Variants in STK3 observed in about 807,000 individuals in gnomAD.
STK3 encodes the protein serine/threonine kinase 3, also known as serine/threonine-protein kinase 3.
In STK3, 41 loss-of-function variants were observed where a neutral mutation model predicts 58.0. The ratio of observed to expected loss-of-function variants is 0.71; its 90% confidence interval spans 0.55 to 0.92. The LOEUF (loss-of-function observed/expected upper bound fraction) is 0.92. STK3 is among the 40% of genes least tolerant of loss of function. STK3 has a pLI of 0.00. For synonymous variants in STK3, 170 were observed against 191.0 expected (o/e 0.89, Z 0.91); for missense variants, 479 against 602.7 (o/e 0.79, Z 2.15).
chr8:98,818,453 G>C (rs1016788562), intron 1 of STK3, among the ~76,000 whole-genome samples: 1 of 152,170 alleles, frequency 6.6e-6, no homozygotes, highest in African/African-American at 2.4e-5. Flanking sequence ...AGAAAGAACA[G>C]AGCAACACAA....
chr8:98,554,784 A>C (rs1182806163), intron 8 of STK3, among the ~76,000 whole-genome samples: 1 of 152,154 alleles, frequency 6.6e-6, no homozygotes, highest in Non-Finnish European at 1.5e-5. Context: ...CTTTTAAGCC[A>C]CAGCTTTTAC....
At chr8:98,843,356 A>C (rs1408340110) in intron 3 of STK3, among the ~76,000 whole-genome samples, 3 of 152,232 alleles carry the variant, frequency 2.0e-5, no homozygotes, top group Admixed American at 2.0e-4. Context: ...TTCCAAATTT[A>C]GGATTTGCTT....
At chr8:98,886,160 T>C (rs1175024609) in intron 1 of STK3, among the ~76,000 whole-genome samples, 2 of 152,098 alleles carry the variant, frequency 1.3e-5, no homozygotes, top group African/African-American at 4.8e-5. Context: ...CTACACTAGA[T>C]AAAATTGCAC....
intron 3 of STK3, among the ~76,000 whole-genome samples, chr8:98,763,434 A>T (rs1270080873): frequency 1.3e-5 from 2 of 152,240 alleles, no homozygotes; most frequent in Non-Finnish European, 2.9e-5. Flanking sequence ...TATAGAAAAC[A>T]AGACAATTTA....
At chr8:98,413,572 TTG>T in intron 3 of STK3, 1 of 665,252 alleles carries the variant, frequency 1.5e-6, no homozygotes, top group Admixed American at 1.9e-5. Context: ...GATGACAACT[TTG>T]TGTCTAAAAT....
chr8:98,557,582 G>A (rs903313904), intron 8 of STK3, among the ~76,000 whole-genome samples: 6 of 151,940 alleles, frequency 3.9e-5, no homozygotes, highest in South Asian at 2.1e-4. Context: ...TCAAATAGCC[G>A]CCCTTAAGTG....
chr8:98,457,259 T>C (rs1383678382), intron 10 of STK3, among the ~76,000 whole-genome samples: 1 of 152,254 alleles, frequency 6.6e-6, no homozygotes, highest in African/African-American at 2.4e-5. Flanking sequence ...AGTAGTGATC[T>C]TGCATCTGTT....
downstream of STK3, among the ~76,000 whole-genome samples, chr8:98,453,157 G>C (rs190119596): frequency 2.4e-5 from 2 of 85,074 alleles, 1 homozygote; most frequent in Non-Finnish European, 4.4e-5. Flanking sequence ...GTGTGATCTT[G>C]GCCCACTGCA....
chr8:98,458,685 A>G (rs1244997994), intron 10 of STK3, among the ~76,000 whole-genome samples: 3 of 152,138 alleles, frequency 2.0e-5, no homozygotes, highest in African/African-American at 7.2e-5. Context: ...GTTTCCCTCC[A>G]TGCTGTTCTA....
chr8:98,563,626 T>C (rs182009322), intron 8 of STK3, among the ~76,000 whole-genome samples: 14 of 152,144 alleles, frequency 9.2e-5, no homozygotes, highest in Admixed American at 6.6e-4. Context: ...ACAGGAAATA[T>C]ACAAGATGAG....
chr8:98,657,042 CAGACAA>C (rs1821600014), intron 6 of STK3, among the ~76,000 whole-genome samples: 2 of 152,054 alleles, frequency 1.3e-5, no homozygotes, highest in African/African-American at 4.8e-5. Flanking sequence ...TATATTCCAG[CAGACAA>C]AGACAGACAA....
intron 10 of STK3, among the ~76,000 whole-genome samples, chr8:98,487,668 A>C (rs1046057454): frequency 3.9e-5 from 6 of 152,248 alleles, no homozygotes; most frequent in African/African-American, 1.4e-4. Flanking sequence ...TTTAACTAAA[A>C]ATGAAGTGGC....
chr8:98,812,614 T>C (rs570038562), intron 1 of STK3, among the ~76,000 whole-genome samples: 172 of 152,298 alleles, frequency 1.1e-3, no homozygotes, highest in African/African-American at 3.7e-3. Flanking sequence ...CAATTCACAA[T>C]AGCGAAGACT....
chr8:98,652,837 C>A (rs1030418951), intron 6 of STK3, among the ~76,000 whole-genome samples: 1 of 151,296 alleles, frequency 6.6e-6, no homozygotes, highest in African/African-American at 2.4e-5. Context: ...TAAAGCAAGT[C>A]CTGAGTGACC....
At chr8:98,719,416 A>C (rs1473091179) in intron 4 of STK3, among the ~76,000 whole-genome samples, 1 of 152,246 alleles carries the variant, frequency 6.6e-6, no homozygotes, top group Middle Eastern at 3.4e-3. Flanking sequence ...TGTACCCTAT[A>C]TATCACTGCT....
chr8:98,365,270 C>A, the STK3 span, among the ~76,000 whole-genome samples: 2 of 152,174 alleles, frequency 1.3e-5, no homozygotes, highest in Admixed American at 6.5e-5. Context: ...ACTACAAGTT[C>A]TAGACGAATG....
intron 3 of STK3, among the ~76,000 whole-genome samples, chr8:98,849,918 G>A (rs1484471480): frequency 6.6e-6 from 1 of 152,104 alleles, no homozygotes. Context: ...GGCATGAGAG[G>A]TTACTGAAAG....
chr8:98,816,203 A>G (rs1159929426), intron 1 of STK3, among the ~76,000 whole-genome samples: 1 of 152,240 alleles, frequency 6.6e-6, no homozygotes, highest in South Asian at 2.1e-4. Flanking sequence ...CTAAAGATTA[A>G]AAGTGACAAC....
At position 98,428,627 on chromosome 8, in the gene STK3, C is replaced by T. The variant is rs925173886; in HGVS notation, n.483+5500G>A. ...GCCTGCCCGATTTCCAAATCCCTGACAGCCAGGGCAACCCTGGCGAGGACC... is the reference window on the plus strand; with the variant it reads ...GCCTGCCCGATTTCCAAATCCCTGATAGCCAGGGCAACCCTGGCGAGGACC... On this transcript the variant is annotated intron_variant and non_coding_transcript_variant, in intron 3 of 3. Coordinates refer to the STK3 transcript ENST00000517832. The surrounding 1 kb of genome is among the most constrained non-coding windows in gnomAD (Gnocchi z 6.7). 6 of 1,614,098 alleles carry T rather than the reference C, an allele frequency of 3.7e-6. No homozygotes were observed. In the African/African-American group the frequency reaches 8.0e-5, roughly 22 times the overall value.
Sources: allele counts gnomAD v4.1 joint callset (sites outside exome capture counted in the v4.1 genomes callset), GRCh38; gene constraint gnomAD v4.1.1; non-coding constraint Gnocchi (gnomAD v3.1); transcripts MANE v1.5; gene names NCBI Gene and HGNC (gene_info 2026-07-23, HGNC 2026-07-21).